UTRN: variants seen among roughly 807,000 people sequenced by gnomAD.
The protein encoded by UTRN is utrophin.
Under a neutral mutation model 463.9 loss-of-function variants are expected in UTRN, and 283 were observed. The ratio of observed to expected loss-of-function variants is 0.61; its 90% CI spans 0.55 to 0.67. The LOEUF (loss-of-function observed/expected upper bound fraction) is 0.67. Ranked by LOEUF, UTRN falls within the 30% of genes least tolerant of loss-of-function variation. The pLI, the probability that UTRN is intolerant of heterozygous loss-of-function variation, is 0.00. For synonymous variants in UTRN, 1,442 were observed against 1,431.5 expected (o/e 1.01, Z -0.17); for missense variants, 3,922 against 4,084.3 (o/e 0.96, Z 1.08).
chr6:144,678,735 T>C (rs983473772), intron 52 of UTRN, among the ~76,000 whole-genome samples, 157 bp downstream of exon 52: 1 of 152,164 alleles, frequency 6.6e-6, no homozygotes. Flanking sequence ...CCTTGAGTTA[T>C]ATAGTTCAAG....
intron 2 of UTRN, among the ~76,000 whole-genome samples, chr6:144,384,927 TG>T: frequency 6.6e-6 from 1 of 152,214 alleles, no homozygotes; most frequent in Non-Finnish European, 1.5e-5. Context: ...TCATTGCATA[TG>T]CTTTTTACTC....
Position 144,603,354 on chromosome 6 carries a change from A to G in UTRN, c.7479+26066A>G, listed in dbSNP as rs549416574. On this transcript the variant is annotated intron_variant, in intron 51 of 74. Coordinates refer to ENST00000367545, the MANE Select transcript of UTRN (RefSeq NM_007124.3). ...ATACATTGCGAGGTGGCTTTCCAGAAAGGCTGTCCCAATGTCTACTCCTAT... is the reference window on the plus strand; with the variant it reads ...ATACATTGCGAGGTGGCTTTCCAGAGAGGCTGTCCCAATGTCTACTCCTAT... Among the ~76,000 whole-genome samples the G allele has an allele frequency of 2.0e-5, 3 of 152,296 alleles. No individual in the cohort carries two copies. In the South Asian group the frequency reaches 6.2e-4, roughly 32 times the overall value.
intron 53 of UTRN, chr6:144,708,068 A>ACTT: frequency 5.2e-6 from 1 of 194,018 alleles, no homozygotes; most frequent in Non-Finnish European, 1.1e-5. Context: ...TTGAAAATTA[A>ACTT]CTTTTTTTTT....
chr6:144,439,140 A>G (rs1328247260), intron 12 of UTRN, among the ~76,000 whole-genome samples: 2 of 152,194 alleles, frequency 1.3e-5, no homozygotes, highest in Non-Finnish European at 2.9e-5. Context: ...GCTTTCATAC[A>G]ACTGGAGAAG....
At chr6:144,289,378 A>G (rs1804008593) in intron 1 of UTRN, among the ~76,000 whole-genome samples, 1 of 151,980 alleles carries the variant, frequency 6.6e-6, no homozygotes, top group Non-Finnish European at 1.5e-5. Flanking sequence ...CTTTCTATCT[A>G]CTCTTGTTTA....
chr6:144,394,227 CTTA>C (rs1782192563), intron 2 of UTRN, among the ~76,000 whole-genome samples: 1 of 152,064 alleles, frequency 6.6e-6, no homozygotes. Flanking sequence ...TTAGTCTCTT[CTTA>C]TGCTGCTAAT....
chr6:144,301,064 G>C (rs565953030), intron 2 of UTRN, among the ~76,000 whole-genome samples: 151 of 151,998 alleles, frequency 9.9e-4, no homozygotes, highest in South Asian at 3.3e-3. Flanking sequence ...TTTTTCGGTG[G>C]GGGGCTCATA....
chr6:144,630,469 C>A (rs367960862), intron 51 of UTRN, among the ~76,000 whole-genome samples: 1 of 152,132 alleles, frequency 6.6e-6, no homozygotes, highest in African/African-American at 2.4e-5. Flanking sequence ...TCTTGCATGG[C>A]GGTGGGCCAG....
intron 28 of UTRN, among the ~76,000 whole-genome samples, chr6:144,486,421 A>G (rs1792458165): frequency 6.6e-6 from 1 of 152,224 alleles, no homozygotes; most frequent in Non-Finnish European, 1.5e-5. Flanking sequence ...TAAGATAAAC[A>G]TTTTAAAACA....
Position 144,772,041 on chromosome 6 carries a change from T to TG in UTRN, c.8557+73_8557+74insG. 3.6e-6 allele frequency: 4 copies of TG among 1,098,068 alleles called. No homozygotes were observed. The South Asian group carries it at 5.2e-5, about 14-fold the overall frequency. 68.0% of individuals were successfully genotyped at this position (1,098,068 alleles called of 1,614,324 possible). ...GTTTTTTTTTTTTTTTTTTTTTTTTTTTTTTTTTTTTTAAGGTGGATTCTC... is the reference window on the plus strand; with the variant it reads ...GTTTTTTTTTTTTTTTTTTTTTTTTTGTTTTTTTTTTTTAAGGTGGATTCTC... On this transcript the variant is annotated intron_variant, in intron 59 of 74. Coordinates refer to ENST00000367545, the MANE Select transcript of UTRN (RefSeq NM_007124.3).
intron 2 of UTRN, among the ~76,000 whole-genome samples, chr6:144,387,449 T>A (rs996763772): frequency 6.6e-6 from 1 of 152,142 alleles, no homozygotes; most frequent in African/African-American, 2.4e-5. Flanking sequence ...TTCTTCCCAT[T>A]TTAATAACTA....
At chr6:144,347,554 T>C (rs1433364175) in intron 2 of UTRN, among the ~76,000 whole-genome samples, 1 of 152,156 alleles carries the variant, frequency 6.6e-6, no homozygotes, top group Non-Finnish European at 1.5e-5. Context: ...TGGTCTTTGC[T>C]GATGTAGGAG....
chr6:144,839,102 TAAAAAGG>T lies in UTRN; in HGVS notation c.10066-67_10066-61del, dbSNP rs1781341961. On this transcript the variant is annotated intron_variant, in intron 71 of 74. Transcript: ENST00000367545. ...TTATCCATGGTGAGGGCGGGGAAGT[TAAAAAGG>T]AAATGTTTTTCCTTATGATTATTTG... 7 of 1,268,818 alleles carry T rather than the reference TAAAAAGG, an allele frequency of 5.5e-6. 1 individual carries two copies. The highest frequency in any genetic ancestry group is 6.8e-6 in the Non-Finnish European group (6 of 876,270). 78.6% of individuals were successfully genotyped at this position (1,268,818 alleles called of 1,614,324 possible).
chr6:144,702,525 A>G (rs1448777759), intron 53 of UTRN, among the ~76,000 whole-genome samples: 1 of 152,226 alleles, frequency 6.6e-6, no homozygotes, highest in East Asian at 1.9e-4. Context: ...CTAGACAAAT[A>G]GGCAATAAAT....
At chr6:144,435,585 G>A (rs1786459162) in intron 9 of UTRN, among the ~76,000 whole-genome samples, 1 of 152,202 alleles carries the variant, frequency 6.6e-6, no homozygotes, top group Non-Finnish European at 1.5e-5. Flanking sequence ...TTTAGCCTTT[G>A]TTGAACTCAA....
intron 51 of UTRN, among the ~76,000 whole-genome samples, chr6:144,605,313 A>T (rs559424908): frequency 3.3e-5 from 5 of 152,276 alleles, no homozygotes; most frequent in African/African-American, 1.2e-4. Context: ...AAGGTTTGCT[A>T]TACACAGAAT....
chr6:144,582,814 G>GTTGTT (rs1449849304), intron 51 of UTRN, among the ~76,000 whole-genome samples: 2 of 151,992 alleles, frequency 1.3e-5, no homozygotes, highest in African/African-American at 2.4e-5. Flanking sequence ...CTTTATTTTT[G>GTTGTT]TTGTTTTGTT....
intron 65 of UTRN, 138 bp from the exon 66 acceptor site, chr6:144,820,744 G>T: frequency 1.0e-6 from 1 of 1,000,620 alleles, no homozygotes; most frequent in Non-Finnish European, 1.4e-6. Flanking sequence ...TCATGAGACT[G>T]CTTTATTTCA....
At chr6:144,520,522 G>A (rs1356424046) in intron 39 of UTRN, among the ~76,000 whole-genome samples, 2 of 152,198 alleles carry the variant, frequency 1.3e-5, no homozygotes. Context: ...GGAGACAAGT[G>A]TAATTAGTTC....
Sources: gnomAD v4.1 joint callset for allele counts (sites outside exome capture counted in the v4.1 genomes callset) on GRCh38, gnomAD v4.1.1 for gene constraint, MANE v1.5 for transcripts, NCBI Gene and HGNC (gene_info 2026-07-23, HGNC 2026-07-21) for gene names.